Variants in PURA observed in about 807,000 individuals in gnomAD.
PURA encodes transcriptional activator protein Pur-alpha.
PURA carries 2 observed loss-of-function variants against 23.1 expected under a neutral mutation model. The ratio of observed to expected loss-of-function variants is 0.09; its 90% CI spans 0.04 to 0.27. The LOEUF (loss-of-function observed/expected upper bound fraction) is 0.27. Among genes scored for constraint, PURA ranks in the 10% least tolerant of loss-of-function variants. The pLI, the probability that PURA is intolerant of heterozygous loss-of-function variation, is 1.00. For missense variants in PURA, 187 were observed against 449.7 expected, an observed-to-expected ratio of 0.42 and a Z score of 5.28; for synonymous variants, 254 against 205.9, an observed-to-expected ratio of 1.23 and a Z score of -2.00.
In PURA at chr5:140,120,029, T is replaced by G. The variant is rs1763132587; in HGVS notation, c.*4879T>G. On this transcript the variant is annotated 3_prime_UTR_variant, in exon 1 of 1. Coordinates refer to ENST00000331327, the MANE Select transcript of PURA (RefSeq NM_005859.5). ...GAGATACCAAGTCTAATGACTTTTT[T>G]CCCTTTTTAAAATCTTTTGAGTATC... 1 of 166,888 alleles carries G rather than the reference T, an allele frequency of 6.0e-6. No individual in the cohort carries two copies. The highest frequency in any genetic ancestry group is 2.1e-4 in the South Asian group (1 of 4,836). The allele number at this position is 166,888 out of a possible 1,614,324, so 10.3% of individuals were successfully genotyped here. A position where few individuals can be genotyped will look rare whatever the true frequency, so the allele number is the denominator to read the frequency against.
rs1169075756 is a variant in PURA at position 140,120,726 on chromosome 5, G to C, written c.*5576G>C. ...AAATAATGATTGGTTTCAAGCCAATGAATCTGCTAAGCTAACTACCAAGTT... is the reference window on the plus strand; with the variant it reads ...AAATAATGATTGGTTTCAAGCCAATCAATCTGCTAAGCTAACTACCAAGTT... On this transcript the variant is annotated 3_prime_UTR_variant, in exon 1 of 1. Transcript: ENST00000331327. 1 of 166,768 alleles carries C rather than the reference G, an allele frequency of 6.0e-6. No individual in the cohort carries two copies. 10.3% of individuals were successfully genotyped at this position (166,768 alleles called of 1,614,324 possible). A position where few individuals can be genotyped will look rare whatever the true frequency, so the allele number is the denominator to read the frequency against.
In PURA at chr5:140,120,140, C is replaced by A. The variant is rs1561794756; in HGVS notation, c.*4990C>A. 6.0e-6 allele frequency: 1 copy of A among 166,706 alleles called. No individual in the cohort carries two copies. The highest frequency in any genetic ancestry group is 1.5e-5 in the Non-Finnish European group (1 of 67,920). 10.3% of individuals were successfully genotyped at this position (166,706 alleles called of 1,614,324 possible). A position where few individuals can be genotyped will look rare whatever the true frequency, so the allele number is the denominator to read the frequency against. On this transcript the variant is annotated 3_prime_UTR_variant, in exon 1 of 1. Transcript: ENST00000331327. ...AGGTTTGGAATAGTTGGTGATGACT[C>A]TGAGTATAACATTTATAGTTTATTA...
chr5:140,120,832 C>G lies in PURA; in HGVS notation c.*5682C>G, dbSNP rs1271888134. The G allele has an allele frequency of 4.2e-5, 7 of 166,750 alleles. No homozygotes were observed. Among genetic ancestry groups the G allele is most frequent in the Non-Finnish European group, 1.5e-5 (1 of 67,984 alleles). The allele number at this position is 166,750 out of a possible 1,614,324, so 10.3% of individuals were successfully genotyped here. On this transcript the variant is annotated 3_prime_UTR_variant, in exon 1 of 1. Coordinates refer to ENST00000331327, the MANE Select transcript of PURA (RefSeq NM_005859.5). ...GGTCACTTGTTAACATTTTTCTTAA[C>G]AAGAATGTCATAACTACTCATTCAT...
rs1763091348 is a variant in PURA, at chr5:140,117,285, A to T, written c.*2135A>T. ...AGAGGTGCATTTTTCTTATTTCCAT[A>T]TAGTAAAGTTGAGCTTTTACAGTGC... On this transcript the variant is annotated 3_prime_UTR_variant, in exon 1 of 1. Coordinates refer to ENST00000331327, the MANE Select transcript of PURA (RefSeq NM_005859.5). The T allele has an allele frequency of 6.0e-6, 1 of 167,018 alleles. No individual in the cohort carries two copies. Among genetic ancestry groups the T allele is most frequent in the Non-Finnish European group, 1.5e-5 (1 of 68,098 alleles). 10.3% of individuals were successfully genotyped at this position (167,018 alleles called of 1,614,324 possible).
At position 140,114,286 on chromosome 5, in the gene PURA, TGGCGGCGGGGGCGGC is replaced by T; in HGVS notation, c.112_126del (p.Gly38_Gly42del). On this transcript the variant is annotated inframe_deletion, in exon 1 of 1. Transcript: ENST00000331327. ...GCTCAGGCTCCGGCGGGGGCGGTGG[TGGCGGCGGGGGCGGC>T]GGCGGCAGTGGCGGCGGCGGCGGCG... 1.7e-6 allele frequency: 2 copies of T among 1,203,438 alleles called. No homozygotes were observed. The highest frequency in any genetic ancestry group is 2.0e-6 in the Non-Finnish European group (2 of 984,672). 74.5% of individuals were successfully genotyped at this position (1,203,438 alleles called of 1,614,324 possible). A position where few individuals can be genotyped will look rare whatever the true frequency, so the allele number is the denominator to read the frequency against.
rs1763177600 is a variant in PURA, at chr5:140,123,911, A to C, written c.*8761A>C. 6.0e-6 allele frequency: 1 copy of C among 167,026 alleles called. No individual in the cohort carries two copies. The highest frequency in any genetic ancestry group is 1.5e-5 in the Non-Finnish European group (1 of 68,080). The allele number at this position is 167,026 out of a possible 1,614,324, so 10.3% of individuals were successfully genotyped here. On this transcript the variant is annotated 3_prime_UTR_variant, in exon 1 of 1. Coordinates refer to ENST00000331327, the MANE Select transcript of PURA (RefSeq NM_005859.5). The stretch of plus-strand genomic sequence containing the variant: ...TTTCATGTAGTTTTCCATAATGTTC[A>C]TATAGTTTCCTTATGGTCTAAGTGT...
rs1334153074 is a variant in PURA at position 140,121,775 on chromosome 5, A to T, written c.*6625A>T. The T allele has an allele frequency of 3.0e-5, 5 of 166,894 alleles. No individual in the cohort carries two copies. Among genetic ancestry groups the T allele is most frequent in the Non-Finnish European group, 7.4e-5 (5 of 67,994 alleles). The allele number at this position is 166,894 out of a possible 1,614,324, so 10.3% of individuals were successfully genotyped here. On this transcript the variant is annotated 3_prime_UTR_variant, in exon 1 of 1. Coordinates refer to ENST00000331327, the MANE Select transcript of PURA (RefSeq NM_005859.5). ...CTAAATTAATGTTAAGAAACTTGTG[A>T]ACTGAAGAGAGTAAGAAGTATGTGT... is the stretch of plus-strand genomic sequence containing the variant.
rs200742171 is a variant in PURA at position 140,115,171 on chromosome 5, A to G, written c.*21A>G. 1.8e-5 allele frequency: 23 copies of G among 1,246,666 alleles called. No individual in the cohort carries two copies. The South Asian group carries it at 3.2e-4, about 17-fold the overall frequency. 77.2% of individuals were successfully genotyped at this position (1,246,666 alleles called of 1,614,324 possible). ...ATTGATCAAACTGAATGAAACCCCC[A>G]CACACACACACATGCATACACACAC... On this transcript the variant is annotated 3_prime_UTR_variant, in exon 1 of 1. Transcript: ENST00000331327. The surrounding 1 kb of genome is among the most constrained non-coding windows in gnomAD (Gnocchi z 4.1).
chr5:140,123,749 C>T lies in PURA; in HGVS notation c.*8599C>T, dbSNP rs557093182. On this transcript the variant is annotated 3_prime_UTR_variant, in exon 1 of 1. Coordinates refer to ENST00000331327, the MANE Select transcript of PURA (RefSeq NM_005859.5). ...GTATGTGTATATGAAATGATGTCTTCGAGTTTTAACTTCCAGCCTGAGATG... is the reference window on the plus strand; with the variant it reads ...GTATGTGTATATGAAATGATGTCTTTGAGTTTTAACTTCCAGCCTGAGATG... 6.0e-5 allele frequency: 10 copies of T among 167,028 alleles called. No homozygotes were observed. The highest frequency in any genetic ancestry group is 4.6e-4 in the Admixed American group (7 of 15,284). The allele number at this position is 167,028 out of a possible 1,614,324, so 10.3% of individuals were successfully genotyped here. A position where few individuals can be genotyped will look rare whatever the true frequency, so the allele number is the denominator to read the frequency against.
At position 140,117,648 on chromosome 5, in the gene PURA, T is replaced by A. The variant is rs1266373909; in HGVS notation, c.*2498T>A. ...TTGAGATGCGAGTTCTTTCATGAGGTTTTCTTTAGGGCCAGAGTTACCTAA... is the reference window on the plus strand; with the variant it reads ...TTGAGATGCGAGTTCTTTCATGAGGATTTCTTTAGGGCCAGAGTTACCTAA... On this transcript the variant is annotated 3_prime_UTR_variant, in exon 1 of 1. Coordinates refer to ENST00000331327, the MANE Select transcript of PURA (RefSeq NM_005859.5). 1 of 166,910 alleles carries A rather than the reference T, an allele frequency of 6.0e-6. No homozygotes were observed. Among genetic ancestry groups the A allele is most frequent in the East Asian group, 1.9e-4 (1 of 5,208 alleles). 10.3% of individuals were successfully genotyped at this position (166,910 alleles called of 1,614,324 possible). A position where few individuals can be genotyped will look rare whatever the true frequency, so the allele number is the denominator to read the frequency against.
chr5:140,114,277 GGGCGGTGGTGGC>G lies in PURA; in HGVS notation c.102_113del (p.Gly39_Gly42del), dbSNP rs1053480508. 1.6e-6 allele frequency: 2 copies of G among 1,231,024 alleles called. No individual in the cohort carries two copies. The highest frequency in any genetic ancestry group is 3.2e-5 in the African/African-American group (2 of 62,824). The allele number at this position is 1,231,024 out of a possible 1,614,324, so 76.3% of individuals were successfully genotyped here. On this transcript the variant is annotated inframe_deletion, in exon 1 of 1. Transcript: ENST00000331327. ...CCGGCTCGGGCTCAGGCTCCGGCGG[GGGCGGTGGTGGC>G]GGCGGGGGCGGCGGCGGCAGTGGCG... is the stretch of plus-strand genomic sequence containing the variant.
rs1304103259 is a variant in PURA, at chr5:140,116,840, AG to A, written c.*1693del. 2.5e-5 allele frequency: 4 copies of A among 158,200 alleles called. No homozygotes were observed. The highest frequency in any genetic ancestry group is 3.0e-5 in the Non-Finnish European group (2 of 67,312). 9.8% of individuals were successfully genotyped at this position (158,200 alleles called of 1,614,324 possible). On this transcript the variant is annotated 3_prime_UTR_variant, in exon 1 of 1. Coordinates refer to ENST00000331327, the MANE Select transcript of PURA (RefSeq NM_005859.5). ...TTGGTAAAAAAAAAAAAAAAAAAAAAGGGTCTTGTCTGACAGAGAGTTCTGG... is the reference window on the plus strand; with the variant it reads ...TTGGTAAAAAAAAAAAAAAAAAAAAAGGTCTTGTCTGACAGAGAGTTCTGG...
rs1763147782 is a variant in PURA at position 140,121,060 on chromosome 5, A to G, written c.*5910A>G. On this transcript the variant is annotated 3_prime_UTR_variant, in exon 1 of 1. Transcript: ENST00000331327. ...TTTTCATGTTTTCATAAATACACAC[A>G]TTGTTTTGATAATTATTAGCAATTA... The G allele has an allele frequency of 1.2e-5, 2 of 166,862 alleles. No individual in the cohort carries two copies. The highest frequency in any genetic ancestry group is 6.6e-5 in the Admixed American group (1 of 15,238). 10.3% of individuals were successfully genotyped at this position (166,862 alleles called of 1,614,324 possible).
chr5:140,116,661 A>G lies in PURA; in HGVS notation c.*1511A>G, dbSNP rs1763083144. The G allele has an allele frequency of 6.0e-6, 1 of 166,990 alleles. No homozygotes were observed. Among genetic ancestry groups the G allele is most frequent in the Non-Finnish European group, 1.5e-5 (1 of 68,110 alleles). The allele number at this position is 166,990 out of a possible 1,614,324, so 10.3% of individuals were successfully genotyped here. A position where few individuals can be genotyped will look rare whatever the true frequency, so the allele number is the denominator to read the frequency against. Reference sequence around the variant, plus strand: ...CTTTAAAGATGTTTGTGTGCTTTTAATTGACAACTAACTTCTTGCTGCTGT... The same window carrying G: ...CTTTAAAGATGTTTGTGTGCTTTTAGTTGACAACTAACTTCTTGCTGCTGT... On this transcript the variant is annotated 3_prime_UTR_variant, in exon 1 of 1. Transcript: ENST00000331327.
rs80110625 is a variant in PURA, at chr5:140,115,261, TAAAAAAA to T, written c.*120_*126del. On this transcript the variant is annotated 3_prime_UTR_variant, in exon 1 of 1. Coordinates refer to ENST00000331327, the MANE Select transcript of PURA (RefSeq NM_005859.5). This position sits in a 1 kb window ranked among gnomAD's most constrained non-coding sequence, Gnocchi z 4.1. Reference sequence around the variant, plus strand: ...GAGAGAAAATAAAAAGTTAAAAAGTTAAAAAAAAAAAAAAACCTGTTAACTCCAAGGG... The same window carrying T: ...GAGAGAAAATAAAAAGTTAAAAAGTTAAAAAAAACCTGTTAACTCCAAGGG... 3 of 527,348 alleles carry T rather than the reference TAAAAAAA, an allele frequency of 5.7e-6. No individual in the cohort carries two copies. Among genetic ancestry groups the T allele is most frequent in the Non-Finnish European group, 8.8e-6 (3 of 342,570 alleles). The allele number at this position is 527,348 out of a possible 1,614,324, so 32.7% of individuals were successfully genotyped here.
rs1763090051 is a variant in PURA at position 140,117,187 on chromosome 5, G to A, written c.*2037G>A. On this transcript the variant is annotated 3_prime_UTR_variant, in exon 1 of 1. Coordinates refer to ENST00000331327, the MANE Select transcript of PURA (RefSeq NM_005859.5). ...TAATATTCAATGTTAAATATGAGGT[G>A]ACCGTACAGTAGTTAGGAGTTTCTT... The A allele has an allele frequency of 6.0e-6, 1 of 167,020 alleles. No homozygotes were observed. Among genetic ancestry groups the A allele is most frequent in the Admixed American group, 6.5e-5 (1 of 15,286 alleles). The allele number at this position is 167,020 out of a possible 1,614,324, so 10.3% of individuals were successfully genotyped here. A position where few individuals can be genotyped will look rare whatever the true frequency, so the allele number is the denominator to read the frequency against.
Position 140,121,996 on chromosome 5 carries a change from A to G in PURA, c.*6846A>G, listed in dbSNP as rs1159091400. The G allele has an allele frequency of 1.2e-5, 2 of 166,838 alleles. No homozygotes were observed. Among genetic ancestry groups the G allele is most frequent in the African/African-American group, 4.8e-5 (2 of 41,448 alleles). 10.3% of individuals were successfully genotyped at this position (166,838 alleles called of 1,614,324 possible). A position where few individuals can be genotyped will look rare whatever the true frequency, so the allele number is the denominator to read the frequency against. On this transcript the variant is annotated 3_prime_UTR_variant, in exon 1 of 1. Coordinates refer to ENST00000331327, the MANE Select transcript of PURA (RefSeq NM_005859.5). ...GAGTCCGAATGAGAGTTATTTGCTAAGGAAATGAAGTTGATCTTCACTAAG... is the reference window on the plus strand; with the variant it reads ...GAGTCCGAATGAGAGTTATTTGCTAGGGAAATGAAGTTGATCTTCACTAAG...
rs1763036127 is a variant in PURA, at chr5:140,114,253, C to T, written c.72C>T (p.Pro24=). 1.7e-6 allele frequency: 2 copies of T among 1,190,690 alleles called. No homozygotes were observed. The highest frequency in any genetic ancestry group is 2.1e-6 in the Non-Finnish European group (2 of 968,518). The allele number at this position is 1,190,690 out of a possible 1,614,324, so 73.8% of individuals were successfully genotyped here. Residue 24 remains proline, a synonymous_variant, in exon 1 of 1, where the codon CCC becomes CCT. Transcript: ENST00000331327. ...ALGSGGSLGH[P]GSGSGSGGGG... is the part of the protein sequence containing the mutation. ...GTTCGGGCGGCTCCCTGGGGCACCC[C>T]GGCTCGGGCTCAGGCTCCGGCGGGG...
In PURA at chr5:140,123,514, A is replaced by G. The variant is rs1031232064; in HGVS notation, c.*8364A>G. ...AATTTCTTGCAGAATTGTGTTTTCAATATTCCACCCAAAGCAAAAATTATA... is the reference window on the plus strand; with the variant it reads ...AATTTCTTGCAGAATTGTGTTTTCAGTATTCCACCCAAAGCAAAAATTATA... On this transcript the variant is annotated 3_prime_UTR_variant, in exon 1 of 1. Transcript: ENST00000331327. 2 of 166,548 alleles carry G rather than the reference A, an allele frequency of 1.2e-5. No homozygotes were observed. The highest frequency in any genetic ancestry group is 2.9e-5 in the Non-Finnish European group (2 of 68,070). 10.3% of individuals were successfully genotyped at this position (166,548 alleles called of 1,614,324 possible).
Sources: gnomAD v4.1 joint callset for allele counts on GRCh38, gnomAD v4.1.1 for gene constraint, Gnocchi (gnomAD v3.1) non-coding constraint, MANE v1.5 for transcripts, NCBI Gene and HGNC (gene_info 2026-07-23, HGNC 2026-07-21) for gene names.